Variants in MMP10 observed in about 807,000 individuals in gnomAD.
The protein encoded by MMP10 is matrix metallopeptidase 10, also known as stromelysin-2.
In MMP10, 50 loss-of-function variants were observed where a neutral mutation model predicts 49.1. The observed-to-expected ratio is 1.02, with a 90% CI of 0.81 to 1.29. The LOEUF (loss-of-function observed/expected upper bound fraction) is 1.29, where lower values mean the gene tolerates loss of function less well. Ranked by LOEUF, MMP10 falls within the 50% of genes most tolerant of loss-of-function variation. The probability of loss-of-function intolerance (pLI) is 0.00; values close to 1 mark genes in which losing one functional copy is unlikely to be tolerated. For synonymous variants in MMP10, 229 were observed against 201.6 expected (o/e 1.14, Z -1.15); for missense variants, 613 against 563.8 (o/e 1.09, Z -0.88).
rs537908479 is a variant in MMP10 at position 102,772,918 on chromosome 11, C to T, written c.1155G>A (p.Arg385=). ...IHTLGFPPTI[R]KIDAAVSDKE... is the part of the protein sequence containing the mutation. ...TGTCAGAAACAGCTGCATCAATTTT[C>T]CTTATGGTTGGAGGAAAACCCAGGG... The change falls in exon 8 of 10, where the codon AGG becomes AGA. Residue 385 remains arginine, a synonymous_variant. Coordinates refer to ENST00000279441, the MANE Select transcript of MMP10 (RefSeq NM_002425.3). The surrounding 1 kb of genome is among the most constrained non-coding windows in gnomAD (Gnocchi z 4.4). 5.0e-6 allele frequency: 8 copies of T among 1,613,646 alleles called. No homozygotes were observed. The East Asian group carries it at 6.7e-5, about 13-fold the overall frequency.
Position 102,775,280 on chromosome 11 carries a change from A to C in MMP10, c.974T>G (p.Phe325Cys), listed in dbSNP as rs753230683. 2.5e-6 allele frequency: 4 copies of C among 1,610,296 alleles called. No homozygotes were observed. The highest frequency in any genetic ancestry group is 3.4e-6 in the Non-Finnish European group (4 of 1,177,964). ...GGGCCAAAATGCAGAAATCAAATGA[A>C]ATTCAGGTTCAGGGTTCCAGTGGGA... ...RRSHWNPEPE[F>C]HLISAFWPSL... The change falls in exon 7 of 10, where the codon TTT (phenylalanine) becomes TGT (cysteine). Residue 325 changes from phenylalanine to cysteine, a missense_variant. Phe to Cys is a radical substitution (Grantham distance 205). Transcript: ENST00000279441.
chr11:102,770,719 T>G lies in MMP10; in HGVS notation c.*74A>C. The stretch of plus-strand genomic sequence containing the variant: ...AACATGCAGGAAAAATTAACCATTT[T>G]GGCTCATAATACATTAGATGAATAA... On this transcript the variant is annotated 3_prime_UTR_variant, in exon 10 of 10. Coordinates refer to ENST00000279441, the MANE Select transcript of MMP10 (RefSeq NM_002425.3). 1 of 917,834 alleles carries G rather than the reference T, an allele frequency of 1.1e-6. No individual in the cohort carries two copies. The highest frequency in any genetic ancestry group is 1.7e-5 in the South Asian group (1 of 57,750). The allele number at this position is 917,834 out of a possible 1,614,324, so 56.9% of individuals were successfully genotyped here.
At chr11:102,771,413 C>T (rs1365657789) in intron 9 of MMP10, among the ~76,000 whole-genome samples, 1 of 152,152 alleles carries the variant, frequency 6.6e-6, no homozygotes, top group Admixed American at 6.5e-5. Context: ...AGATCATCAG[C>T]CTCATGACCA....
Position 102,776,670 on chromosome 11 carries a change from T to G in MMP10, c.729A>C (p.Thr243=). Residue 243 remains threonine, a synonymous_variant, in exon 5 of 10, where the codon ACA becomes ACC. Coordinates refer to ENST00000279441, the MANE Select transcript of MMP10 (RefSeq NM_002425.3). The part of the protein sequence containing the change: ...ALMYPLYNSF[T]ELAQFRLSQD... ...GCGAAAGGCGGAACTGGGCGAGCTC[T>G]GTGAATGAGTTGTAGAGTGGGTACA... 6.2e-7 allele frequency: 1 copy of G among 1,614,014 alleles called. No individual in the cohort carries two copies. Among genetic ancestry groups the G allele is most frequent in the Non-Finnish European group, 8.5e-7 (1 of 1,179,944 alleles).
Position 102,778,699 on chromosome 11 carries a change from C to T in MMP10, c.547G>A (p.Ala183Thr), listed in dbSNP as rs761974283. Residue 183 changes from alanine to threonine, a missense_variant, in exon 4 of 10, where the codon GCC becomes ACC. Ala to Thr is a moderately conservative substitution (Grantham distance 58). Transcript: ENST00000279441. ...FDGPGHSLAH[A>T]YPPGPGLYGD... is the part of the protein sequence containing the mutation. ...TAAAGCCCAGGTCCAGGTGGGTAGG[C>T]ATGAGCCAAACTGTGTCCTGGGCCA... 6.2e-7 allele frequency: 1 copy of T among 1,613,884 alleles called. No individual in the cohort carries two copies. Among genetic ancestry groups the T allele is most frequent in the Admixed American group, 1.7e-5 (1 of 59,952 alleles).
chr11:102,776,877 A>AATACTGAAAAGACAT, intron 4 of MMP10, 101 bp from the exon 5 acceptor site: 2 of 1,318,666 alleles, frequency 1.5e-6, no homozygotes, highest in Non-Finnish European at 2.1e-6. Context: ...TGAAACCACA[A>AATACTGAAAAGACAT]TGTCTTTTCA....
At position 102,770,597 on chromosome 11, in the gene MMP10, A is replaced by G. The variant is rs563510905; in HGVS notation, c.*196T>C. 2 of 488,928 alleles carry G rather than the reference A, an allele frequency of 4.1e-6. No homozygotes were observed. Among genetic ancestry groups the G allele is most frequent in the East Asian group, 3.3e-5 (1 of 30,336 alleles). The allele number at this position is 488,928 out of a possible 1,614,324, so 30.3% of individuals were successfully genotyped here. A position where few individuals can be genotyped will look rare whatever the true frequency, so the allele number is the denominator to read the frequency against. ...ACCTATTGCACATGAGTATTTCTTA[A>G]TTCTGTTCAGTGCAATTCAAAAGCA... On this transcript the variant is annotated 3_prime_UTR_variant, in exon 10 of 10. Transcript: ENST00000279441.
chr11:102,776,734 G>A lies in MMP10; in HGVS notation c.665C>T (p.Ser222Phe). 1 of 1,614,030 alleles carries A rather than the reference G, an allele frequency of 6.2e-7. No individual in the cohort carries two copies. The highest frequency in any genetic ancestry group is 8.5e-7 in the Non-Finnish European group (1 of 1,179,956). ...GTTGGCTGAGTGAAAGAGCCCCAGG[G>A]AGTGGCCAAGTTCATGAGCAGCAAC... The part of the protein sequence containing the change: ...FLVAAHELGH[S>F]LGLFHSANTE... Residue 222 changes from serine to phenylalanine, a missense_variant, in exon 5 of 10, where the codon TCC becomes TTC. Transcript: ENST00000279441.
At position 102,772,683 on chromosome 11, in the gene MMP10, C is replaced by T. The variant is rs977960967; in HGVS notation, c.1226+164G>A. ...GCCCAGTGATCACCATTCTGAGAGGCCTTTGTATCCGGAAGGTAGAACAAT... is the reference window on the plus strand; with the variant it reads ...GCCCAGTGATCACCATTCTGAGAGGTCTTTGTATCCGGAAGGTAGAACAAT... On this transcript the variant is annotated intron_variant, in intron 8 of 9. Transcript: ENST00000279441. The surrounding 1 kb of genome is among the most constrained non-coding windows in gnomAD (Gnocchi z 4.4). Among the ~76,000 whole-genome samples, 1 of 152,126 alleles carries T rather than the reference C, an allele frequency of 6.6e-6. No individual in the cohort carries two copies. Among genetic ancestry groups the T allele is most frequent in the African/African-American group, 2.4e-5 (1 of 41,424 alleles).
At chr11:102,770,947 A>G in intron 9 of MMP10, 54 bp from the exon 10 acceptor site, 1 of 1,160,724 alleles carries the variant, frequency 8.6e-7, no homozygotes, top group Non-Finnish European at 1.3e-6. Flanking sequence ...GTCATTTTGC[A>G]ACACATATAA....
intron 7 of MMP10, 82 bp from the exon 8 acceptor site, chr11:102,773,088 G>A: frequency 7.3e-7 from 1 of 1,364,094 alleles, no homozygotes. Flanking sequence ...GTGGTAAAGA[G>A]GAAGGCTTGG....
intron 9 of MMP10, 114 bp downstream of exon 9, chr11:102,771,898 T>G (rs552238540): frequency 3.6e-4 from 255 of 714,848 alleles, no homozygotes; most frequent in Non-Finnish European, 5.2e-4. Context: ...GAATTTGGAG[T>G]AAAAAAGATA....
At chr11:102,779,433 G>A (rs2134352393) in intron 2 of MMP10, 71 bp downstream of exon 2, 1 of 1,609,046 alleles carries the variant, frequency 6.2e-7, no homozygotes, top group East Asian at 2.2e-5. Flanking sequence ...AAAACTTTAT[G>A]TTACTTATCC....
chr11:102,770,571 C>T lies in MMP10; in HGVS notation c.*222G>A. 2.4e-6 allele frequency: 1 copy of T among 423,038 alleles called. No homozygotes were observed. The highest frequency in any genetic ancestry group is 4.2e-6 in the Non-Finnish European group (1 of 240,894). 26.2% of individuals were successfully genotyped at this position (423,038 alleles called of 1,614,324 possible). ...ACACATCTATGAAAATACATTCTCT[C>T]ACCTATTGCACATGAGTATTTCTTA... On this transcript the variant is annotated 3_prime_UTR_variant, in exon 10 of 10. Coordinates refer to ENST00000279441, the MANE Select transcript of MMP10 (RefSeq NM_002425.3).
rs764201572 is a variant in MMP10, at chr11:102,772,953, C to T, written c.1120G>A (p.Gly374Ser). ...GGAGGAAAACCCAGGGTATGGATGC[C>T]TCTTGGATAACCTGCTTGTACCTCA... is the stretch of plus-strand genomic sequence containing the variant. ...GNEVQAGYPR[G>S]IHTLGFPPTI... The change falls in exon 8 of 10, where the codon GGC becomes AGC. Residue 374 changes from glycine (G) to serine (S), a missense_variant. Gly to Ser is a moderately conservative substitution (Grantham distance 56). Coordinates refer to ENST00000279441, the MANE Select transcript of MMP10 (RefSeq NM_002425.3). This position sits in a 1 kb window ranked among gnomAD's most constrained non-coding sequence, Gnocchi z 4.4. 6.2e-7 allele frequency: 1 copy of T among 1,613,510 alleles called. No individual in the cohort carries two copies. The highest frequency in any genetic ancestry group is 8.5e-7 in the Non-Finnish European group (1 of 1,179,670).
Position 102,779,401 on chromosome 11 carries a change from C to T in MMP10, c.348-40G>A, listed in dbSNP as rs368808387. On this transcript the variant is annotated intron_variant, in intron 2 of 9. Coordinates refer to ENST00000279441, the MANE Select transcript of MMP10 (RefSeq NM_002425.3). ...TTGAAGAGGATGTTATTTTCTCCTGCCTTTATGAAAAATTGTTAAAGAAAA... is the reference window on the plus strand; with the variant it reads ...TTGAAGAGGATGTTATTTTCTCCTGTCTTTATGAAAAATTGTTAAAGAAAA... 2.4e-5 allele frequency: 39 copies of T among 1,609,060 alleles called. No homozygotes were observed. The South Asian group carries it at 2.4e-4, about 10-fold the overall frequency.
chr11:102,772,965 C>T lies in MMP10; in HGVS notation c.1108G>A (p.Gly370Ser). Residue 370 changes from glycine (G) to serine (S), a missense_variant, in exon 8 of 10, where the codon GGT (glycine) becomes AGT (serine). By Grantham distance (56) the Gly-to-Ser change is moderately conservative. Coordinates refer to ENST00000279441, the MANE Select transcript of MMP10 (RefSeq NM_002425.3). The surrounding 1 kb of genome is among the most constrained non-coding windows in gnomAD (Gnocchi z 4.4). ...AGGGTATGGATGCCTCTTGGATAACCTGCTTGTACCTCATTTCCTCTGATG... is the reference window on the plus strand; with the variant it reads ...AGGGTATGGATGCCTCTTGGATAACTTGCTTGTACCTCATTTCCTCTGATG... ...WAIRGNEVQA[G>S]YPRGIHTLGF... The T allele has an allele frequency of 6.2e-7, 1 of 1,612,268 alleles. No individual in the cohort carries two copies. Among genetic ancestry groups the T allele is most frequent in the Non-Finnish European group, 8.5e-7 (1 of 1,179,256 alleles).
At position 102,772,434 on chromosome 11, in the gene MMP10, C is replaced by T. The variant is rs1342368157; in HGVS notation, c.1227-319G>A. Among the ~76,000 whole-genome samples the T allele has an allele frequency of 6.6e-6, 1 of 152,172 alleles. No homozygotes were observed. Among genetic ancestry groups the T allele is most frequent in the South Asian group, 2.1e-4 (1 of 4,832 alleles). Reference sequence around the variant, plus strand: ...TGTGTCTACTATAAATACATAAAGACTGTGTAGACATAATGAATTCATAAT... The same window carrying T: ...TGTGTCTACTATAAATACATAAAGATTGTGTAGACATAATGAATTCATAAT... On this transcript the variant is annotated intron_variant, in intron 8 of 9. Transcript: ENST00000279441. This position sits in a 1 kb window ranked among gnomAD's most constrained non-coding sequence, Gnocchi z 4.4.
Position 102,776,773 on chromosome 11 carries a change from G to T in MMP10, c.626C>A (p.Thr209Asn), listed in dbSNP as rs1334958035. ...ATGAGCAGCAACGAGGAATAAATTG[G>T]TGCCTGTATGAAAATCATAAATGTT... Reference protein sequence around the residue: ...DEKWTEDASGTNLFLVAAHEL... With the variant: ...DEKWTEDASGNNLFLVAAHEL... The change falls in exon 5 of 10, where the codon ACC (threonine) becomes AAC (asparagine). Residue 209 changes from threonine to asparagine, a missense_variant. Thr to Asn is a moderately conservative substitution (Grantham distance 65). Transcript: ENST00000279441. 4 of 1,613,806 alleles carry T rather than the reference G, an allele frequency of 2.5e-6. No individual in the cohort carries two copies. In the South Asian group the frequency reaches 3.3e-5, roughly 13 times the overall value.
Sources: gnomAD v4.1 joint callset for allele counts (sites outside exome capture counted in the v4.1 genomes callset) on GRCh38, gnomAD v4.1.1 for gene constraint, Gnocchi (gnomAD v3.1) non-coding constraint, MANE v1.5 for transcripts, NCBI Gene and HGNC (gene_info 2026-07-23, HGNC 2026-07-21) for gene names.